The following CNBD1 variants were observed in gnomAD, a reference collection of about 807,000 sequenced individuals.
CNBD1 encodes the protein cyclic nucleotide-binding domain-containing protein 1.
A neutral mutation model predicts 54.4 loss-of-function variants in CNBD1; 71 were observed. The ratio of observed to expected loss-of-function variants is 1.30; its 90% CI spans 1.08 to 1.59. The LOEUF is 1.59. Ranked by LOEUF, CNBD1 falls within the 40% of genes most tolerant of loss-of-function variation. The pLI, the probability that CNBD1 is intolerant of heterozygous loss-of-function variation, is 0.00. For missense variants in CNBD1, 659 were observed against 518.0 expected, an observed-to-expected ratio of 1.27 and a Z score of -2.64; for synonymous variants, 182 against 170.7, an observed-to-expected ratio of 1.07 and a Z score of -0.51.
rs1813370435 is a variant in CNBD1 at position 87,182,277 on chromosome 8, T to C, written c.432-23716T>C. On this transcript the variant is annotated intron_variant, in intron 4 of 10. Transcript: ENST00000518476. This position sits in a 1 kb window ranked among gnomAD's most constrained non-coding sequence, Gnocchi z 4.1. ...TTCCATGGTGTATATATACCATATT[T>C]TCTTTATCCAGTTTACCATTGATGG... 6.6e-6 allele frequency among the ~76,000 whole-genome samples: 1 copy of C among 152,174 alleles called. No individual in the cohort carries two copies. The highest frequency in any genetic ancestry group is 1.5e-5 in the Non-Finnish European group (1 of 68,014).
intron 4 of CNBD1, among the ~76,000 whole-genome samples, chr8:87,116,319 A>G (rs774679578): frequency 6.1e-5 from 9 of 148,434 alleles, no homozygotes; most frequent in Non-Finnish European, 1.0e-4. Context: ...CTCTCAGCTC[A>G]TGCTCTTGAC....
intron 4 of CNBD1, among the ~76,000 whole-genome samples, chr8:87,095,219 C>T (rs1257998207): frequency 6.6e-6 from 1 of 152,120 alleles, no homozygotes; most frequent in Non-Finnish European, 1.5e-5. Context: ...GCAAAATAAC[C>T]CAGAAGCTAG....
chr8:86,967,083 T>C lies in CNBD1; in HGVS notation c.431+27329T>C, dbSNP rs1586168985. On this transcript the variant is annotated intron_variant, in intron 4 of 10. Transcript: ENST00000518476. The stretch of plus-strand genomic sequence containing the variant: ...CAGAAAAGTTCTCCAAGTCCCCACC[T>C]GACCCAGAAGCCCACCCGGCTTCAC... Among the ~76,000 whole-genome samples, 4 of 152,264 alleles carry C rather than the reference T, an allele frequency of 2.6e-5. No individual in the cohort carries two copies. The South Asian group carries it at 8.3e-4, about 32-fold the overall frequency.
At chr8:87,343,366 C>A (rs984925830) in intron 8 of CNBD1, among the ~76,000 whole-genome samples, 1 of 152,084 alleles carries the variant, frequency 6.6e-6, no homozygotes, top group African/African-American at 2.4e-5. Context: ...CCTCAGCTTA[C>A]AAAAATGATG....
downstream of CNBD1, among the ~76,000 whole-genome samples, chr8:87,385,065 T>C (rs1311342408): frequency 6.6e-6 from 1 of 152,122 alleles, no homozygotes; most frequent in Non-Finnish European, 1.5e-5. Flanking sequence ...GCAAAATAGA[T>C]TTGGGGGACA....
In CNBD1 at chr8:87,423,745, G is replaced by T. The variant is rs962319730; in HGVS notation, c.214-4801G>T. On this transcript the variant is annotated intron_variant, in intron 2 of 7. Transcript: ENST00000521593. ...TATTGGTCTAAAATTCTCTTTTTTG[G>T]TTGTGTCTCTGCCCGGCTTTTGTAT... Among the ~76,000 whole-genome samples the T allele has an allele frequency of 3.5e-4, 53 of 151,502 alleles. 1 individual carries two copies. Among genetic ancestry groups the T allele is most frequent in the African/African-American group, 1.0e-3 (43 of 41,076 alleles).
chr8:87,262,893 T>C (rs1005892310), intron 6 of CNBD1, among the ~76,000 whole-genome samples: 1 of 152,180 alleles, frequency 6.6e-6, no homozygotes, highest in African/African-American at 2.4e-5. Context: ...AAATAGTTTC[T>C]GTATTGGAGA....
At chr8:87,107,627 C>G (rs1289643509) in intron 4 of CNBD1, among the ~76,000 whole-genome samples, 1 of 152,194 alleles carries the variant, frequency 6.6e-6, no homozygotes, top group East Asian at 1.9e-4. Context: ...TCTAGTATAT[C>G]CTTGTATCCC....
At chr8:87,343,673 C>T (rs1810113591) in intron 8 of CNBD1, among the ~76,000 whole-genome samples, 1 of 152,106 alleles carries the variant, frequency 6.6e-6, no homozygotes, top group Non-Finnish European at 1.5e-5. Context: ...TAGTGGAACA[C>T]TTTTTCATTG....
rs1227615570 is a variant in CNBD1, at chr8:87,332,746, T to G, written c.1043-18939T>G. ...TGTTTCATTGGTCTGTATGTCTGTT[T>G]TTGTACAAGTACCATGCTGTTTTGG... On this transcript the variant is annotated intron_variant, in intron 8 of 10. Transcript: ENST00000518476. Among the ~76,000 whole-genome samples, 3 of 152,186 alleles carry G rather than the reference T, an allele frequency of 2.0e-5. No individual in the cohort carries two copies. The East Asian group carries it at 5.8e-4, about 29-fold the overall frequency.
At chr8:87,373,859 T>C (rs1810870312) in intron 10 of CNBD1, among the ~76,000 whole-genome samples, 1 of 151,834 alleles carries the variant, frequency 6.6e-6, no homozygotes, top group African/African-American at 2.4e-5. Flanking sequence ...AACCCAAGTC[T>C]ATGCCTGTAC....
intron 4 of CNBD1, among the ~76,000 whole-genome samples, chr8:86,972,863 C>T (rs1232241391): frequency 5.3e-5 from 8 of 152,158 alleles, no homozygotes; most frequent in African/African-American, 1.4e-4. Flanking sequence ...AGTAGTCCCT[C>T]TTCTGCAACT....
chr8:87,389,269 G>A (rs1811258165), intron 2 of CNBD1, among the ~76,000 whole-genome samples: 1 of 152,198 alleles, frequency 6.6e-6, no homozygotes, highest in South Asian at 2.1e-4. Context: ...GGCAGGAGAA[G>A]GAAATAAAGG....
intron 2 of CNBD1, among the ~76,000 whole-genome samples, chr8:87,425,862 C>T (rs567406803): frequency 3.3e-5 from 5 of 152,208 alleles, no homozygotes; most frequent in East Asian, 3.9e-4. Flanking sequence ...TCGAGCTTCC[C>T]AGCTGCTTTG....
chr8:86,870,444 G>A (rs1038589156), intron 1 of CNBD1, among the ~76,000 whole-genome samples: 3 of 151,712 alleles, frequency 2.0e-5, no homozygotes, highest in East Asian at 3.9e-4. Context: ...TGATCCACCC[G>A]CCTCGGCCTC....
chr8:87,103,110 A>C (rs1811465047), intron 4 of CNBD1, among the ~76,000 whole-genome samples: 3 of 152,182 alleles, frequency 2.0e-5, no homozygotes, highest in Non-Finnish European at 4.4e-5. Context: ...AATAGATTTA[A>C]AGTTTCACCA....
At chr8:87,124,640 G>A in intron 4 of CNBD1, among the ~76,000 whole-genome samples, 1 of 151,614 alleles carries the variant, frequency 6.6e-6, no homozygotes, top group Non-Finnish European at 1.5e-5. Flanking sequence ...TAGATATAGA[G>A]GGAGTGTACC....
intron 2 of CNBD1, among the ~76,000 whole-genome samples, chr8:87,426,017 G>C (rs577575869): frequency 1.3e-5 from 2 of 152,180 alleles, no homozygotes; most frequent in African/African-American, 2.4e-5. Context: ...ATATAATCTC[G>C]TGGTGCACCG....
chr8:86,954,456 C>T (rs956673697), intron 4 of CNBD1, among the ~76,000 whole-genome samples: 1 of 152,194 alleles, frequency 6.6e-6, no homozygotes, highest in Non-Finnish European at 1.5e-5. Flanking sequence ...TGTTCACACA[C>T]AGATTTTCTC....
Sources: allele counts gnomAD v4.1 joint callset (sites outside exome capture counted in the v4.1 genomes callset), GRCh38; gene constraint gnomAD v4.1.1; non-coding constraint Gnocchi (gnomAD v3.1); transcripts MANE v1.5; gene names NCBI Gene and HGNC (gene_info 2026-07-23, HGNC 2026-07-21).